Variants in SEMA5A observed in about 807,000 individuals in gnomAD.
SEMA5A encodes semaphorin-5A.
In SEMA5A, 55 loss-of-function variants were observed where a neutral mutation model predicts 135.5. That is an observed-to-expected ratio of 0.41 (90% CI 0.33 to 0.51). The LOEUF is 0.51. Ranked by LOEUF, SEMA5A falls within the 20% of genes least tolerant of loss-of-function variation. The pLI, the probability that SEMA5A is intolerant of heterozygous loss-of-function variation, is 0.37. For synonymous variants in SEMA5A, 580 were observed against 546.5 expected, an observed-to-expected ratio of 1.06 and a Z score of -0.85; for missense variants, 1,290 against 1,419.9, an observed-to-expected ratio of 0.91 and a Z score of 1.47.
intron 5 of SEMA5A, among the ~76,000 whole-genome samples, chr5:9,250,299 C>A (rs1234023274): frequency 6.6e-6 from 1 of 152,140 alleles, no homozygotes; most frequent in Non-Finnish European, 1.5e-5. Flanking sequence ...AGCAGTAGCA[C>A]AAGTCTGCCT....
At chr5:9,527,679 G>C (rs947195919) in intron 1 of SEMA5A, among the ~76,000 whole-genome samples, 23 of 152,164 alleles carry the variant, frequency 1.5e-4, no homozygotes, top group African/African-American at 5.6e-4. Flanking sequence ...TATGGAACAG[G>C]CAATTTACAT....
intron 16 of SEMA5A, among the ~76,000 whole-genome samples, chr5:9,084,574 C>G (rs1342366389): frequency 3.9e-5 from 6 of 152,150 alleles, no homozygotes; most frequent in Non-Finnish European, 8.8e-5. Context: ...TCTCTTGTCT[C>G]CTGCCATGTG....
rs376343827 is a variant in SEMA5A, at chr5:9,226,996, A to T, written c.334-29T>A. 349 of 1,059,328 alleles carry T rather than the reference A, an allele frequency of 3.3e-4. 4 individuals are homozygous for T. The East Asian group carries it at 0.011, about 32-fold the overall frequency. The allele number at this position is 1,059,328 out of a possible 1,614,324, so 65.6% of individuals were successfully genotyped here. A position where few individuals can be genotyped will look rare whatever the true frequency, so the allele number is the denominator to read the frequency against. ...AGGGAAAATAAATAAATTAATTAAA[A>T]ATATATATATATATGTATAATGATA... is the stretch of plus-strand genomic sequence containing the variant. On this transcript the variant is annotated intron_variant, in intron 6 of 22. Transcript: ENST00000382496.
Position 9,537,863 on chromosome 5 carries a change from A to AAAGGCAG in SEMA5A, c.-175+7720_-175+7721insCTGCCTT, listed in dbSNP as rs1737853033. 2.0e-5 allele frequency among the ~76,000 whole-genome samples: 3 copies of AAAGGCAG among 152,230 alleles called. No individual in the cohort carries two copies. The South Asian group carries it at 6.2e-4, about 31-fold the overall frequency. On this transcript the variant is annotated intron_variant, in intron 1 of 22. Transcript: ENST00000382496. ...CTCTATTACCAGTGGAGAAATGCAT[A>AAAGGCAG]TGAGTGCTAAAGGCCAGCTAGCCTG...
At chr5:9,195,266 A>C (rs1745324974) in intron 10 of SEMA5A, among the ~76,000 whole-genome samples, 1 of 152,168 alleles carries the variant, frequency 6.6e-6, no homozygotes. Flanking sequence ...TCCTGGGCTC[A>C]AGCAGTCCTC....
chr5:9,190,397 C>G lies in SEMA5A; in HGVS notation c.1143G>C (p.Leu381=). ...RNLQDAQKFI[L]MHEVVQPVTT... ...TCACTGGCTGTACCACCTCATGCAT[C>G]AGAATGAACTTCTGAGCATCCTGCA... is the stretch of plus-strand genomic sequence containing the variant. The change falls in exon 11 of 23, where the codon CTG becomes CTC. Residue 381 remains leucine (L), a synonymous_variant. Transcript: ENST00000382496. 5.0e-6 allele frequency: 8 copies of G among 1,613,998 alleles called. No homozygotes were observed. Among genetic ancestry groups the G allele is most frequent in the Non-Finnish European group, 6.8e-6 (8 of 1,180,020 alleles).
At chr5:9,467,254 A>T (rs1759296031) in intron 1 of SEMA5A, among the ~76,000 whole-genome samples, 1 of 152,142 alleles carries the variant, frequency 6.6e-6, no homozygotes, top group Non-Finnish European at 1.5e-5. Flanking sequence ...CTGGGATTAC[A>T]GGCATCAACC....
At chr5:9,237,022 G>A (rs1252801493) in intron 6 of SEMA5A, among the ~76,000 whole-genome samples, 1 of 152,098 alleles carries the variant, frequency 6.6e-6, no homozygotes, top group Non-Finnish European at 1.5e-5. Context: ...ATTGGTCCTA[G>A]GACCAACTTT....
chr5:9,406,483 C>G (rs1756892418), intron 2 of SEMA5A, among the ~76,000 whole-genome samples: 1 of 152,144 alleles, frequency 6.6e-6, no homozygotes, highest in African/African-American at 2.4e-5. Context: ...AAACCAGCAA[C>G]ACTGATTTTA....
At chr5:9,452,729 C>A (rs1370545089) in intron 1 of SEMA5A, among the ~76,000 whole-genome samples, 1 of 152,038 alleles carries the variant, frequency 6.6e-6, no homozygotes, top group African/African-American at 2.4e-5. Context: ...AAGAGGAACC[C>A]CAGTTTCCCT....
intron 12 of SEMA5A, among the ~76,000 whole-genome samples, chr5:9,138,479 T>C (rs1276287697): frequency 6.6e-6 from 1 of 152,232 alleles, no homozygotes; most frequent in Non-Finnish European, 1.5e-5. Context: ...AATAATCTAT[T>C]ATTGCACTAT....
chr5:9,147,548 G>T (rs547345733), intron 12 of SEMA5A, among the ~76,000 whole-genome samples: 2 of 152,096 alleles, frequency 1.3e-5, no homozygotes, highest in African/African-American at 4.8e-5. Context: ...GGGATTATAG[G>T]AATGAGCCAC....
intron 4 of SEMA5A, among the ~76,000 whole-genome samples, chr5:9,321,049 G>C (rs1319390037): frequency 2.0e-5 from 3 of 152,024 alleles, no homozygotes; most frequent in Admixed American, 2.0e-4. Context: ...TGGATCATGG[G>C]GGCGGGTTAC....
intron 11 of SEMA5A, among the ~76,000 whole-genome samples, chr5:9,186,640 ACT>A (rs1744824358): frequency 6.6e-6 from 1 of 151,948 alleles, no homozygotes; most frequent in South Asian, 2.1e-4. Context: ...GACTGAAAGG[ACT>A]CTAGCATGTG....
At chr5:9,236,829 C>T (rs1225411068) in intron 6 of SEMA5A, among the ~76,000 whole-genome samples, 2 of 152,070 alleles carry the variant, frequency 1.3e-5, no homozygotes, top group Admixed American at 6.6e-5. Context: ...TTGGGAAACC[C>T]CATAACTAAG....
chr5:9,086,984 C>A (rs1014026828), intron 16 of SEMA5A, among the ~76,000 whole-genome samples: 1 of 152,186 alleles, frequency 6.6e-6, no homozygotes, highest in African/African-American at 2.4e-5. Context: ...CAGGCAGCAA[C>A]TCTGCTGCTT....
intron 16 of SEMA5A, among the ~76,000 whole-genome samples, chr5:9,086,401 T>C (rs2150114247): frequency 6.6e-6 from 1 of 152,214 alleles, no homozygotes; most frequent in South Asian, 2.1e-4. Context: ...GTGGGTTTTT[T>C]TCCTGTGCTG....
intron 15 of SEMA5A, among the ~76,000 whole-genome samples, chr5:9,113,324 G>T (rs913669568): frequency 3.3e-5 from 5 of 152,166 alleles, no homozygotes; most frequent in African/African-American, 4.8e-5. Context: ...ATTTTGAGGA[G>T]CACATTAAAG....
chr5:9,433,258 A>G (rs1181566894), intron 2 of SEMA5A, among the ~76,000 whole-genome samples: 1 of 152,256 alleles, frequency 6.6e-6, no homozygotes, highest in Non-Finnish European at 1.5e-5. Context: ...TTTTAATACA[A>G]TCAGAAGAAA....
Sources: allele counts gnomAD v4.1 joint callset (sites outside exome capture counted in the v4.1 genomes callset), GRCh38; gene constraint gnomAD v4.1.1; transcripts MANE v1.5; gene names NCBI Gene and HGNC (gene_info 2026-07-23, HGNC 2026-07-21).